The following RASA2 variants were observed in gnomAD, a reference collection of about 807,000 sequenced individuals.
RASA2 encodes the protein RAS p21 protein activator 2, also known as ras GTPase-activating protein 2.
A neutral mutation model predicts 118.2 loss-of-function variants in RASA2; 155 were observed. That is an observed-to-expected ratio of 1.31 (90% CI 1.15 to 1.50). The LOEUF (loss-of-function observed/expected upper bound fraction) is 1.50, where lower values mean the gene tolerates loss of function less well. Among genes scored for constraint, RASA2 ranks in the 40% most tolerant of loss-of-function variants. RASA2 has a pLI of 0.00. For synonymous variants in RASA2, 353 were observed against 349.1 expected (o/e 1.01, Z -0.12); for missense variants, 1,016 against 1,009.6 (o/e 1.01, Z -0.09).
intron 3 of RASA2, among the ~76,000 whole-genome samples, chr3:141,518,243 T>C (rs1157770052): frequency 3.3e-5 from 5 of 151,262 alleles, no homozygotes; most frequent in African/African-American, 7.3e-5. Context: ...TCCTAGCACT[T>C]TGGGAGGCCG....
intron 5 of RASA2, among the ~76,000 whole-genome samples, chr3:141,549,100 G>A (rs2082531939): frequency 1.3e-5 from 2 of 152,132 alleles, no homozygotes; most frequent in Admixed American, 1.3e-4. Flanking sequence ...CCTGGAAATT[G>A]CTTACATCTT....
chr3:141,611,846 C>T (rs961334605), intron 23 of RASA2, among the ~76,000 whole-genome samples: 2 of 152,036 alleles, frequency 1.3e-5, no homozygotes, highest in Admixed American at 6.6e-5. Flanking sequence ...GGTTCTCTTC[C>T]AACAGTAGTA....
chr3:141,566,893 T>C (rs1232605763), intron 9 of RASA2, among the ~76,000 whole-genome samples: 9 of 152,154 alleles, frequency 5.9e-5, no homozygotes, highest in Non-Finnish European at 1.3e-4. Flanking sequence ...TCAATATCCA[T>C]GGAATGTCTA....
In RASA2 at chr3:141,527,426, T is replaced by C. The variant is rs2082200344; in HGVS notation, c.356-2282T>C. Among the ~76,000 whole-genome samples, 4 of 152,100 alleles carry C rather than the reference T, an allele frequency of 2.6e-5. No homozygotes were observed. In the South Asian group the frequency reaches 8.3e-4, roughly 31 times the overall value. On this transcript the variant is annotated intron_variant, in intron 3 of 23. Transcript: ENST00000286364. ...GGAGAGGACATAAAAGATACACAGT[T>C]ACAAAGATTCTTAAAGGGAGGATAA...
At chr3:141,511,121 C>T (rs1269838082) in intron 1 of RASA2, among the ~76,000 whole-genome samples, 1 of 151,960 alleles carries the variant, frequency 6.6e-6, no homozygotes, top group Non-Finnish European at 1.5e-5. Flanking sequence ...TGCTAAGAGA[C>T]TGGGTATGGG....
At chr3:141,610,599 T>A (rs949127881) in intron 23 of RASA2, among the ~76,000 whole-genome samples, 1 of 150,036 alleles carries the variant, frequency 6.7e-6, no homozygotes, top group Non-Finnish European at 1.5e-5. Context: ...CAAGCGATCC[T>A]CCCATCTCAG....
At chr3:141,560,244 C>T (rs189568210) in intron 9 of RASA2, among the ~76,000 whole-genome samples, 48 of 152,216 alleles carry the variant, frequency 3.2e-4, no homozygotes, top group African/African-American at 1.1e-3. Context: ...GTGAAGACGA[C>T]TCTTAAGGAG....
At chr3:141,547,412 T>C (rs1018885789) in intron 5 of RASA2, among the ~76,000 whole-genome samples, 2 of 152,230 alleles carry the variant, frequency 1.3e-5, no homozygotes, top group Non-Finnish European at 2.9e-5. Flanking sequence ...TAGATGTCTT[T>C]CACTTCTGTG....
At chr3:141,587,176 T>C (rs1289452525) in intron 19 of RASA2, among the ~76,000 whole-genome samples, 1 of 152,200 alleles carries the variant, frequency 6.6e-6, no homozygotes, top group African/African-American at 2.4e-5. Context: ...ATACCATAGA[T>C]TGTGATCCCT....
At chr3:141,590,744 C>T (rs1038166257) in intron 19 of RASA2, among the ~76,000 whole-genome samples, 1 of 152,192 alleles carries the variant, frequency 6.6e-6, no homozygotes, top group Non-Finnish European at 1.5e-5. Flanking sequence ...CTTTCACTCT[C>T]TCTTCCTAAT....
Position 141,586,761 on chromosome 3 carries a change from G to A in RASA2, c.1933+9G>A, listed in dbSNP as rs748338545. ...CTACCACAAACAGCCAGGTAGTTGT[G>A]TTTATGCTTTATTGTGGGGTTTTTC... On this transcript the variant is annotated intron_variant, in intron 19 of 23. Coordinates refer to ENST00000286364, the MANE Select transcript of RASA2 (RefSeq NM_006506.5). The A allele has an allele frequency of 6.3e-7, 1 of 1,596,444 alleles. No individual in the cohort carries two copies. The highest frequency in any genetic ancestry group is 2.2e-5 in the East Asian group (1 of 44,688).
At position 141,607,703 on chromosome 3, in the gene RASA2, A is replaced by G. The variant is rs1306583245; in HGVS notation, c.1959A>G (p.Pro653=). 2 of 1,599,096 alleles carry G rather than the reference A, an allele frequency of 1.3e-6. No individual in the cohort carries two copies. Among genetic ancestry groups the G allele is most frequent in the East Asian group, 2.3e-5 (1 of 44,440 alleles). Residue 653 remains proline, a synonymous_variant, in exon 20 of 24, where the codon CCA becomes CCG. Transcript: ENST00000286364. ...QPGKDAIYTI[P]VKNILAVEKL... is the part of the protein sequence containing the mutation. Reference sequence around the variant, plus strand: ...GCAAAGATGCAATCTACACAATCCCAGTAAAAAACATTCTTGCTGTGGAAA... The same window carrying G: ...GCAAAGATGCAATCTACACAATCCCGGTAAAAAACATTCTTGCTGTGGAAA...
At chr3:141,600,861 TG>T (rs1012994600) in intron 19 of RASA2, among the ~76,000 whole-genome samples, 1 of 152,078 alleles carries the variant, frequency 6.6e-6, no homozygotes, top group African/African-American at 2.4e-5. Context: ...GCCAAAGCAA[TG>T]TTGAAAGGTA....
At chr3:141,529,681 T>G in intron 3 of RASA2, 27 bp from the exon 4 acceptor site, 1 of 1,507,744 alleles carries the variant, frequency 6.6e-7, no homozygotes, top group Non-Finnish European at 9.2e-7. Flanking sequence ...GCATGTTTTC[T>G]TATATTGTTT....
intron 17 of RASA2, among the ~76,000 whole-genome samples, chr3:141,582,443 T>G (rs1477223793): frequency 6.6e-6 from 1 of 152,194 alleles, no homozygotes; most frequent in East Asian, 1.9e-4. Flanking sequence ...AGGATTATGA[T>G]GTACTGTCTT....
intron 1 of RASA2, among the ~76,000 whole-genome samples, chr3:141,489,778 C>G (rs1014031738): frequency 2.6e-5 from 4 of 152,068 alleles, no homozygotes; most frequent in Non-Finnish European, 5.9e-5. Flanking sequence ...GATTTCATTC[C>G]TGTAATTATT....
In RASA2 at chr3:141,572,537, G is replaced by C. The variant is rs188741129; in HGVS notation, c.1170-72G>C. The C allele has an allele frequency of 3.7e-5, 38 of 1,031,336 alleles. No individual in the cohort carries two copies. In the Admixed American group the frequency reaches 5.8e-4, roughly 16 times the overall value. 63.9% of individuals were successfully genotyped at this position (1,031,336 alleles called of 1,614,324 possible). On this transcript the variant is annotated intron_variant, in intron 11 of 23. Coordinates refer to ENST00000286364, the MANE Select transcript of RASA2 (RefSeq NM_006506.5). ...CAGCTAAATGCTTCTTTCTTAAATTGGTCAAGTATGTTATATTATTGGTTT... is the reference window on the plus strand; with the variant it reads ...CAGCTAAATGCTTCTTTCTTAAATTCGTCAAGTATGTTATATTATTGGTTT...
At chr3:141,545,411 CCTA>C (rs1012354067) in intron 5 of RASA2, among the ~76,000 whole-genome samples, 1 of 151,680 alleles carries the variant, frequency 6.6e-6, no homozygotes, top group African/African-American at 2.4e-5. Flanking sequence ...GAGCAGGTGT[CCTA>C]CATGGCAGGA....
At chr3:141,589,287 TAGTC>T (rs1318757150) in intron 19 of RASA2, among the ~76,000 whole-genome samples, 1 of 152,210 alleles carries the variant, frequency 6.6e-6, no homozygotes, top group Non-Finnish European at 1.5e-5. Flanking sequence ...TAAGGTAAAT[TAGTC>T]ATTCTCTGTG....
Sources: gnomAD v4.1 joint callset for allele counts (sites outside exome capture counted in the v4.1 genomes callset) on GRCh38, gnomAD v4.1.1 for gene constraint, MANE v1.5 for transcripts, NCBI Gene and HGNC (gene_info 2026-07-23, HGNC 2026-07-21) for gene names.